The following ADAMTS2 variants were observed in gnomAD, a reference collection of about 807,000 sequenced individuals.
The protein encoded by ADAMTS2 is A disintegrin and metalloproteinase with thrombospondin motifs 2.
Under a neutral mutation model 123.0 loss-of-function variants are expected in ADAMTS2, and 50 were observed. That is an observed-to-expected ratio of 0.41 (90% CI 0.32 to 0.51). ADAMTS2 has a LOEUF of 0.51. ADAMTS2 is among the 20% of genes least tolerant of loss of function. The probability of loss-of-function intolerance (pLI) is 0.35; values close to 1 mark genes in which losing one functional copy is unlikely to be tolerated. For missense variants in ADAMTS2, 1,494 were observed against 1,705.2 expected, an observed-to-expected ratio of 0.88 and a Z score of 2.18; for synonymous variants, 678 against 695.4, an observed-to-expected ratio of 0.98 and a Z score of 0.39.
chr5:179,168,270 G>A (rs1053772883), intron 5 of ADAMTS2, among the ~76,000 whole-genome samples: 2 of 152,124 alleles, frequency 1.3e-5, no homozygotes, highest in African/African-American at 4.8e-5. Context: ...TCCCCCGGGT[G>A]GGGGGAGGGG....
At chr5:179,302,549 C>T (rs1331939694) in intron 2 of ADAMTS2, among the ~76,000 whole-genome samples, 1 of 152,064 alleles carries the variant, frequency 6.6e-6, no homozygotes, top group East Asian at 1.9e-4. Context: ...TCCCAACCTC[C>T]ACCTTGCCAG....
At position 179,242,891 on chromosome 5, in the gene ADAMTS2, C is replaced by A. The variant is rs1765701370; in HGVS notation, c.688+30020G>T. 6.6e-6 allele frequency among the ~76,000 whole-genome samples: 1 copy of A among 152,180 alleles called. No homozygotes were observed. Among genetic ancestry groups the A allele is most frequent in the South Asian group, 2.1e-4 (1 of 4,828 alleles). On this transcript the variant is annotated intron_variant, in intron 3 of 21. Transcript: ENST00000251582. This position sits in a 1 kb window ranked among gnomAD's most constrained non-coding sequence, Gnocchi z 4.2. ...CGAAAGGCCGGAGCACCTTCCTCCA[C>A]CCAGCCCTAACTCAGGGCAGGAGCT...
In ADAMTS2 at chr5:179,295,961, C is replaced by T. The variant is rs941596626; in HGVS notation, c.535-22897G>A. Among the ~76,000 whole-genome samples, 6 of 152,326 alleles carry T rather than the reference C, an allele frequency of 3.9e-5. No individual in the cohort carries two copies. The East Asian group carries it at 5.8e-4, about 15-fold the overall frequency. On this transcript the variant is annotated intron_variant, in intron 2 of 21. Coordinates refer to ENST00000251582, the MANE Select transcript of ADAMTS2 (RefSeq NM_014244.5). Reference sequence around the variant, plus strand: ...GAGGGAAGGCTCCTCCAACCCAGGACGCCCCACTGCAGGAGGAAATGCCTT... The same window carrying T: ...GAGGGAAGGCTCCTCCAACCCAGGATGCCCCACTGCAGGAGGAAATGCCTT...
At chr5:179,330,952 G>A (rs1249918235) in intron 2 of ADAMTS2, among the ~76,000 whole-genome samples, 2 of 152,188 alleles carry the variant, frequency 1.3e-5, no homozygotes, top group East Asian at 3.9e-4. Context: ...CACCCTGCTT[G>A]TACAGGTGGG....
intron 2 of ADAMTS2, among the ~76,000 whole-genome samples, chr5:179,331,115 G>T (rs1443742682): frequency 6.6e-6 from 1 of 151,402 alleles, no homozygotes; most frequent in East Asian, 2.0e-4. Flanking sequence ...CTCGTTGTTG[G>T]TTCCCAGAAT....
At chr5:179,231,924 AAAAAAGAAAAAAG>A (rs1298200838) in intron 3 of ADAMTS2, among the ~76,000 whole-genome samples, 4 of 73,256 alleles carry the variant, frequency 5.5e-5, no homozygotes, top group Non-Finnish European at 9.4e-5. Context: ...CTAGGAAAAA[AAAAAAGAAAAAAG>A]AAAAAGAAAA....
intron 3 of ADAMTS2, among the ~76,000 whole-genome samples, chr5:179,235,136 G>A (rs1335211597): frequency 6.6e-6 from 1 of 152,304 alleles, no homozygotes; most frequent in South Asian, 2.1e-4. Flanking sequence ...CTCTCTCCTA[G>A]ACTCAAGCAC....
intron 2 of ADAMTS2, among the ~76,000 whole-genome samples, chr5:179,335,378 T>A (rs1328089085): frequency 6.6e-6 from 1 of 152,188 alleles, no homozygotes; most frequent in Admixed American, 6.5e-5. Flanking sequence ...CAATGTATAT[T>A]TTATACTCAG....
chr5:179,320,459 C>T (rs1219914295), intron 2 of ADAMTS2, among the ~76,000 whole-genome samples: 1 of 151,452 alleles, frequency 6.6e-6, no homozygotes, highest in Non-Finnish European at 1.5e-5. Flanking sequence ...AGGTGTCCAC[C>T]ACTACGCCTG....
At chr5:179,122,591 C>T (rs994072278) in intron 20 of ADAMTS2, 53 bp downstream of exon 20, 57 of 1,541,300 alleles carry the variant, frequency 3.7e-5, no homozygotes, top group African/African-American at 1.5e-4. Flanking sequence ...CTGACACCCC[C>T]GCCCTGGGCT....
intron 19 of ADAMTS2, 165 bp from the exon 20 acceptor site, chr5:179,122,938 G>T: frequency 1.0e-6 from 1 of 998,662 alleles, no homozygotes; most frequent in Non-Finnish European, 1.5e-6. Flanking sequence ...ACCCTCGGGG[G>T]CAGCCCCAAT....
In ADAMTS2 at chr5:179,135,988, G is replaced by A; in HGVS notation, c.2006C>T (p.Ser669Phe). The A allele has an allele frequency of 1.2e-6, 2 of 1,613,440 alleles. No homozygotes were observed. The change falls in exon 13 of 22, where the codon TCC (serine) becomes TTC (phenylalanine). Residue 669 changes from serine to phenylalanine, a missense_variant. Transcript: ENST00000251582. Reference protein sequence around the residue: ...CESRETGEVVSMKRMVHDGTR... With the variant: ...CESRETGEVVFMKRMVHDGTR... ...CCCGTCATGCACCATGCGCTTCATG[G>A]ACACCACCTCCCCGGTCTCCCTGGA...
chr5:179,288,007 T>C (rs1756074529), intron 2 of ADAMTS2, among the ~76,000 whole-genome samples: 1 of 152,228 alleles, frequency 6.6e-6, no homozygotes, highest in Admixed American at 6.5e-5. Flanking sequence ...TGAGAGTTGA[T>C]GGTGAGACTC....
At chr5:179,229,198 C>T (rs1056861640) in intron 3 of ADAMTS2, among the ~76,000 whole-genome samples, 14 of 151,578 alleles carry the variant, frequency 9.2e-5, no homozygotes, top group East Asian at 1.9e-4. Flanking sequence ...AAGGAGGGGA[C>T]GCCAGAGAAT....
chr5:179,148,758 G>A (rs977622663), intron 10 of ADAMTS2, among the ~76,000 whole-genome samples: 8 of 152,236 alleles, frequency 5.3e-5, no homozygotes, highest in African/African-American at 1.9e-4. Flanking sequence ...CTCATGCCTT[G>A]CTAAAACCCT....
At chr5:179,215,583 G>T (rs1017393381) in intron 3 of ADAMTS2, among the ~76,000 whole-genome samples, 20 of 152,182 alleles carry the variant, frequency 1.3e-4, no homozygotes, top group African/African-American at 4.8e-4. Context: ...GTTCAGTAAA[G>T]AAATTTAAAA....
rs114434633 is a variant in ADAMTS2, at chr5:179,213,299, C to T, written c.689-5584G>A. 7.5e-3 allele frequency among the ~76,000 whole-genome samples: 1,149 copies of T among 152,322 alleles called. 9 individuals carry two copies. Among genetic ancestry groups the T allele is most frequent in the Non-Finnish European group, 0.013 (916 of 68,030 alleles). ...CCCCTGATTTCTCCCGACAGCACCC[C>T]GTGCTCTTCCTTCCTGTGACACTCC... On this transcript the variant is annotated intron_variant, in intron 3 of 21. Transcript: ENST00000251582.
At chr5:179,344,910 C>T (rs572276000) in intron 1 of ADAMTS2, among the ~76,000 whole-genome samples, 86 of 152,290 alleles carry the variant, frequency 5.6e-4, no homozygotes, top group African/African-American at 2.0e-3. Flanking sequence ...TGACTCTGCG[C>T]TCTTGGCCGC....
In ADAMTS2 at chr5:179,132,712, G is replaced by A. The variant is rs1762985915; in HGVS notation, c.2209+65C>T. On this transcript the variant is annotated intron_variant, in intron 14 of 21. Transcript: ENST00000251582. This position sits in a 1 kb window ranked among gnomAD's most constrained non-coding sequence, Gnocchi z 6.1. ...AGCCCCAGGATGAGTCAGGCCCTCA[G>A]CTGTCCGGGCATGAGCCTGCTGCAG... 7 of 1,609,076 alleles carry A rather than the reference G, an allele frequency of 4.4e-6. No individual in the cohort carries two copies. Among genetic ancestry groups the A allele is most frequent in the Non-Finnish European group, 6.0e-6 (7 of 1,176,232 alleles).
Sources: allele counts gnomAD v4.1 joint callset (sites outside exome capture counted in the v4.1 genomes callset), GRCh38; gene constraint gnomAD v4.1.1; non-coding constraint Gnocchi (gnomAD v3.1); transcripts MANE v1.5; gene names NCBI Gene and HGNC (gene_info 2026-07-23, HGNC 2026-07-21).